COL25A1: variants seen among roughly 807,000 people sequenced by gnomAD.
The protein encoded by COL25A1 is collagen alpha-1(XXV) chain.
In COL25A1, 103 loss-of-function variants were observed where a neutral mutation model predicts 128.4. The ratio of observed to expected loss-of-function variants is 0.80; its 90% confidence interval spans 0.68 to 0.94. The LOEUF (loss-of-function observed/expected upper bound fraction) is 0.94, where lower values mean the gene tolerates loss of function less well. Ranked by LOEUF, COL25A1 falls within the 40% of genes least tolerant of loss-of-function variation. The pLI, the probability that COL25A1 is intolerant of heterozygous loss-of-function variation, is 0.00. For missense variants in COL25A1, 745 were observed against 840.0 expected, an observed-to-expected ratio of 0.89 and a Z score of 1.40; for synonymous variants, 279 against 277.2, an observed-to-expected ratio of 1.01 and a Z score of -0.06.
In COL25A1 at chr4:108,901,129, G is replaced by C. The variant is rs1216923219; in HGVS notation, c.824C>G (p.Pro275Arg). ...TTTATTTGTACTAACCTTAGGTCCTGGTATTCCATTCTGTCCTACTGCTCC... is the reference window on the plus strand; with the variant it reads ...TTTATTTGTACTAACCTTAGGTCCTCGTATTCCATTCTGTCCTACTGCTCC... The part of the protein sequence containing the change: ...LPGAVGQNGI[P>R]GPKGEPGEQG... The change falls in exon 14 of 38, where the codon CCA becomes CGA. Residue 275 changes from proline to arginine, a missense_variant. This residue lies in a region of COL25A1 where 39 missense variants were observed against 73.3 expected (regional missense o/e 0.53). Transcript: ENST00000399132. 1 of 1,611,224 alleles carries C rather than the reference G, an allele frequency of 6.2e-7. No individual in the cohort carries two copies. Among genetic ancestry groups the C allele is most frequent in the Non-Finnish European group, 8.5e-7 (1 of 1,177,880 alleles).
intron 31 of COL25A1, among the ~76,000 whole-genome samples, chr4:108,840,875 G>T (rs184054991): frequency 8.7e-4 from 133 of 152,324 alleles, no homozygotes; most frequent in Admixed American, 2.2e-3. Flanking sequence ...ACCTCATTAA[G>T]TTATCACAGC....
intron 3 of COL25A1, among the ~76,000 whole-genome samples, chr4:109,200,530 TCTCTGCAACCTCCGC>T (rs1489947715): frequency 6.6e-6 from 1 of 152,196 alleles, no homozygotes; most frequent in East Asian, 1.9e-4. Flanking sequence ...CAATTTTGGT[TCTCTGCAACCTCCGC>T]CTCCTGGGTT....
chr4:109,089,727 TC>T (rs1345042494), intron 3 of COL25A1, among the ~76,000 whole-genome samples: 6 of 152,110 alleles, frequency 3.9e-5, no homozygotes, highest in African/African-American at 1.4e-4. Context: ...CAGTTAAGCC[TC>T]CCAAATAGCT....
At chr4:108,974,443 A>G (rs1752229101) in intron 7 of COL25A1, 50 bp from the exon 8 acceptor site, 1 of 1,609,824 alleles carries the variant, frequency 6.2e-7, no homozygotes, top group African/African-American at 1.3e-5. Flanking sequence ...TTTATACATG[A>G]TGTTCATTAA....
In COL25A1 at chr4:109,138,360, C is replaced by A. The variant is rs1056012547; in HGVS notation, c.368-88181G>T. ...CATAGTATTCCATGGCGTATATGTGCCACATTTTCTTTATCCAGTCTATCA... is the reference window on the plus strand; with the variant it reads ...CATAGTATTCCATGGCGTATATGTGACACATTTTCTTTATCCAGTCTATCA... On this transcript the variant is annotated intron_variant, in intron 3 of 37. Transcript: ENST00000399132. Among the ~76,000 whole-genome samples, 9 of 152,154 alleles carry A rather than the reference C, an allele frequency of 5.9e-5. No individual in the cohort carries two copies. In the East Asian group the frequency reaches 7.7e-4, roughly 13 times the overall value.
chr4:109,051,618 CAT>C (rs200943062), intron 3 of COL25A1, among the ~76,000 whole-genome samples: 4,762 of 110,800 alleles, frequency 0.043, 105 homozygotes, highest in Non-Finnish European at 0.07. Context: ...AACACACATA[CAT>C]ACACACACAC....
intron 3 of COL25A1, among the ~76,000 whole-genome samples, chr4:109,175,214 C>T (rs1158423443): frequency 6.6e-6 from 1 of 152,180 alleles, no homozygotes; most frequent in Non-Finnish European, 1.5e-5. Flanking sequence ...GTTCTAGGGG[C>T]TTCTACTCAT....
At chr4:109,287,919 T>G (rs919969821) in intron 3 of COL25A1, among the ~76,000 whole-genome samples, 1 of 152,092 alleles carries the variant, frequency 6.6e-6, no homozygotes, top group African/African-American at 2.4e-5. Context: ...GGGCCAAGAA[T>G]AGGCAAACAA....
chr4:109,189,053 T>A (rs1287326235), intron 3 of COL25A1, among the ~76,000 whole-genome samples: 2 of 151,746 alleles, frequency 1.3e-5, no homozygotes, highest in African/African-American at 4.9e-5. Flanking sequence ...ACAGGATTTT[T>A]AAAAAGATGG....
At chr4:109,074,799 GTT>G (rs1405996758) in intron 3 of COL25A1, among the ~76,000 whole-genome samples, 2 of 152,106 alleles carry the variant, frequency 1.3e-5, no homozygotes, top group Non-Finnish European at 2.9e-5. Context: ...AACTAAGCTT[GTT>G]TTAGCAAATT....
At chr4:109,154,631 T>A (rs1771856629) in intron 3 of COL25A1, among the ~76,000 whole-genome samples, 1 of 152,134 alleles carries the variant, frequency 6.6e-6, no homozygotes, top group South Asian at 2.1e-4. Context: ...TCAGCAAGAA[T>A]ATGAAGACAC....
intron 37 of COL25A1, among the ~76,000 whole-genome samples, chr4:108,814,331 A>G (rs150579382): frequency 6.6e-6 from 1 of 152,206 alleles, no homozygotes; most frequent in Admixed American, 6.6e-5. Flanking sequence ...TTACAATACA[A>G]CTGTGGAAAG....
intron 5 of COL25A1, among the ~76,000 whole-genome samples, chr4:109,017,731 C>T (rs193017227): frequency 6.6e-6 from 1 of 152,292 alleles, no homozygotes; most frequent in East Asian, 1.9e-4. Context: ...TACATCCTTA[C>T]TGTGACCAAT....
At chr4:108,817,565 AAT>A in intron 36 of COL25A1, 130 bp from the exon 37 acceptor site, 1 of 669,652 alleles carries the variant, frequency 1.5e-6, no homozygotes, top group Non-Finnish European at 2.6e-6. Flanking sequence ...ATCTTTTACT[AAT>A]TAGCAACTCC....
rs72885159 is a variant in COL25A1 at position 109,089,936 on chromosome 4, T to A, written c.368-39757A>T. Among the ~76,000 whole-genome samples, 525 of 142,302 alleles carry A rather than the reference T, an allele frequency of 3.7e-3. 3 individuals carry two copies. Among genetic ancestry groups the A allele is most frequent in the African/African-American group, 0.013 (502 of 38,466 alleles). 93.4% of individuals were successfully genotyped at this position (142,302 alleles called of 152,430 possible). On this transcript the variant is annotated intron_variant, in intron 3 of 37. Transcript: ENST00000399132. ...TAGAAGTATAATTGCTACATAGGAC[T>A]TTTTTTTTTTCAAAAATTCAATTAA...
At chr4:108,989,786 G>C (rs1430956792) in intron 6 of COL25A1, among the ~76,000 whole-genome samples, 1 of 151,998 alleles carries the variant, frequency 6.6e-6, no homozygotes, top group Non-Finnish European at 1.5e-5. Flanking sequence ...CTATCATATA[G>C]CATTCCCCAT....
At chr4:109,082,714 T>C (rs1763947754) in intron 3 of COL25A1, among the ~76,000 whole-genome samples, 1 of 152,242 alleles carries the variant, frequency 6.6e-6, no homozygotes, top group African/African-American at 2.4e-5. Context: ...ATATATGATT[T>C]GCAAATATCT....
At chr4:109,247,262 A>C (rs1780330483) in intron 3 of COL25A1, among the ~76,000 whole-genome samples, 1 of 152,130 alleles carries the variant, frequency 6.6e-6, no homozygotes, top group African/African-American at 2.4e-5. Flanking sequence ...AAGCAGGAGA[A>C]TGGCTTGAAC....
chr4:109,096,912 G>A (rs1331788145), intron 3 of COL25A1, among the ~76,000 whole-genome samples: 3 of 152,038 alleles, frequency 2.0e-5, no homozygotes, highest in African/African-American at 2.4e-5. Flanking sequence ...TTCATTAATC[G>A]GGGCATCCTC....
Sources: gnomAD v4.1 joint callset for allele counts (sites outside exome capture counted in the v4.1 genomes callset) on GRCh38, gnomAD v4.1.1 for gene constraint, gnomAD v4.1.1 regional missense constraint, MANE v1.5 for transcripts, NCBI Gene and HGNC (gene_info 2026-07-23, HGNC 2026-07-21) for gene names.